Variants in EYS observed in about 807,000 individuals in gnomAD.
The protein encoded by EYS is protein eyes shut homolog.
Under a neutral mutation model 282.1 loss-of-function variants are expected in EYS, and 250 were observed. That is an observed-to-expected ratio of 0.89 (90% confidence interval 0.80 to 0.98). The LOEUF is 0.98. EYS is among the 50% of genes least tolerant of loss of function. The pLI is 0.00. For missense variants in EYS, 4,016 were observed against 3,709.0 expected, an observed-to-expected ratio of 1.08 and a Z score of -2.15; for synonymous variants, 1,355 against 1,282.9, an observed-to-expected ratio of 1.06 and a Z score of -1.20.
intron 4 of EYS, among the ~76,000 whole-genome samples, chr6:65,491,746 C>T (rs1423560503): frequency 4.6e-5 from 7 of 152,130 alleles, no homozygotes; most frequent in African/African-American, 1.7e-4. Flanking sequence ...TGTGCCCACC[C>T]ACCGCCGCCA....
At chr6:64,967,060 G>A (rs1770118307) in intron 14 of EYS, among the ~76,000 whole-genome samples, 1 of 151,912 alleles carries the variant, frequency 6.6e-6, no homozygotes, top group East Asian at 1.9e-4. Context: ...TTTTTTCTTT[G>A]AAGTTTCTTT....
chr6:65,327,141 A>G (rs1350427002), intron 11 of EYS, among the ~76,000 whole-genome samples: 3 of 151,680 alleles, frequency 2.0e-5, no homozygotes, highest in Non-Finnish European at 3.0e-5. Flanking sequence ...AATAAAAACT[A>G]CTTTTTATCT....
intron 36 of EYS, among the ~76,000 whole-genome samples, chr6:63,848,855 G>A (rs1192581893): frequency 2.0e-5 from 3 of 152,116 alleles, no homozygotes; most frequent in Admixed American, 2.0e-4. Flanking sequence ...CTCTGGAAAG[G>A]GGGCTGAAGC....
intron 35 of EYS, among the ~76,000 whole-genome samples, chr6:63,932,692 C>T (rs964004850): frequency 3.9e-5 from 6 of 152,242 alleles, no homozygotes; most frequent in Non-Finnish European, 8.8e-5. Context: ...CCATCCCTCA[C>T]ACTCCACCCA....
At chr6:64,711,776 C>T (rs184111184) in intron 22 of EYS, among the ~76,000 whole-genome samples, 3 of 152,218 alleles carry the variant, frequency 2.0e-5, no homozygotes, top group Admixed American at 6.5e-5. Context: ...GACTTGCGCC[C>T]CTCCGAAGTC....
chr6:64,599,705 A>G lies in EYS; in HGVS notation c.3685-6396T>C, dbSNP rs114922366. Among the ~76,000 whole-genome samples the G allele has an allele frequency of 2.7e-3, 405 of 152,248 alleles. 5 individuals carry two copies. Among genetic ancestry groups the G allele is most frequent in the African/African-American group, 9.1e-3 (377 of 41,562 alleles). On this transcript the variant is annotated intron_variant, in intron 24 of 42. Transcript: ENST00000503581. Reference sequence around the variant, plus strand: ...CAGTGTTATCCCATAGTCCTGTCTAATTTTCTGGTAATAGAGCTAGAAAAT... The same window carrying G: ...CAGTGTTATCCCATAGTCCTGTCTAGTTTTCTGGTAATAGAGCTAGAAAAT...
At chr6:64,595,044 C>A (rs956886930) in intron 24 of EYS, among the ~76,000 whole-genome samples, 2 of 151,816 alleles carry the variant, frequency 1.3e-5, no homozygotes, top group East Asian at 3.9e-4. Context: ...AAAGTTCTCC[C>A]CAAAACACTA....
chr6:65,583,205 A>G (rs1582483057), intron 2 of EYS, among the ~76,000 whole-genome samples: 1 of 152,034 alleles, frequency 6.6e-6, no homozygotes, highest in East Asian at 1.9e-4. Context: ...AATCTAGGTT[A>G]TAATACTCCA....
chr6:64,846,636 C>T (rs1765724480), intron 19 of EYS, among the ~76,000 whole-genome samples: 1 of 151,994 alleles, frequency 6.6e-6, no homozygotes, highest in African/African-American at 2.4e-5. Flanking sequence ...TTTCAGCTAT[C>T]TGTTATATAT....
chr6:63,880,922 G>T (rs1293171859), intron 35 of EYS, among the ~76,000 whole-genome samples: 1 of 152,096 alleles, frequency 6.6e-6, no homozygotes, highest in African/African-American at 2.4e-5. Context: ...TCATCAAAAG[G>T]TGTTTTGGCT....
intron 14 of EYS, among the ~76,000 whole-genome samples, chr6:64,975,995 A>G (rs965974439): frequency 2.0e-5 from 3 of 151,942 alleles, no homozygotes; most frequent in South Asian, 2.1e-4. Context: ...GTAAGTTCAA[A>G]TAACATTTTA....
intron 2 of EYS, among the ~76,000 whole-genome samples, chr6:65,626,500 T>C (rs1361139130): frequency 1.3e-5 from 2 of 152,176 alleles, no homozygotes; most frequent in Non-Finnish European, 2.9e-5. Flanking sequence ...TGAGAGTCTA[T>C]ACAGGGATAG....
rs545089483 is a variant in EYS, at chr6:65,083,808, T to C, written c.2024-26081A>G. 5.5e-4 allele frequency among the ~76,000 whole-genome samples: 83 copies of C among 151,876 alleles called. No individual in the cohort carries two copies. In the South Asian group the frequency reaches 0.017, roughly 31 times the overall value. On this transcript the variant is annotated intron_variant, in intron 12 of 42. Coordinates refer to ENST00000503581, the MANE Select transcript of EYS (RefSeq NM_001142800.2). ...AAATCACTTTCATAATATACTTTTT[T>C]ATATTTGTATAATATATGATACTAT...
At chr6:65,593,778 G>T (rs1765311932) in intron 2 of EYS, among the ~76,000 whole-genome samples, 1 of 151,660 alleles carries the variant, frequency 6.6e-6, no homozygotes, top group African/African-American at 2.4e-5. Context: ...TTCTCTTTAG[G>T]AAGTGTTTCT....
At chr6:63,887,467 C>T (rs373539193) in intron 35 of EYS, among the ~76,000 whole-genome samples, 2 of 151,762 alleles carry the variant, frequency 1.3e-5, no homozygotes, top group Non-Finnish European at 2.9e-5. Context: ...CAGTTCATCT[C>T]GTTGGGACTG....
intron 2 of EYS, among the ~76,000 whole-genome samples, chr6:65,554,222 T>A (rs531283972): frequency 6.6e-6 from 1 of 152,184 alleles, no homozygotes; most frequent in East Asian, 1.9e-4. Context: ...GTACTTGTTA[T>A]AGTAGCCCAC....
intron 11 of EYS, among the ~76,000 whole-genome samples, chr6:65,324,990 A>C (rs1769580177): frequency 6.6e-6 from 1 of 152,216 alleles, no homozygotes. Flanking sequence ...CTGCATTAGC[A>C]GGTGGTGGAA....
chr6:65,077,536 G>T (rs186527716), intron 12 of EYS, among the ~76,000 whole-genome samples: 2 of 152,076 alleles, frequency 1.3e-5, no homozygotes, highest in East Asian at 3.9e-4. Flanking sequence ...TATATAAAAC[G>T]AACATTTTCT....
Position 64,591,623 on chromosome 6 carries a change from T to C in EYS, c.4244A>G (p.Gln1415Arg), listed in dbSNP as rs753351259. The C allele has an allele frequency of 6.4e-7, 1 of 1,551,252 alleles. No homozygotes were observed. The highest frequency in any genetic ancestry group is 1.2e-5 in the South Asian group (1 of 84,058). ...PTQSLLFENCQTVALSATPTT... is the reference protein window; with the variant it reads ...PTQSLLFENCRTVALSATPTT... Reference sequence around the variant, plus strand: ...TGGGGTAGCAGATAAAGCAACAGTCTGACAGTTCTCAAATAATAAAGATTG... The same window carrying C: ...TGGGGTAGCAGATAAAGCAACAGTCCGACAGTTCTCAAATAATAAAGATTG... Residue 1415 changes from glutamine to arginine, a missense_variant, in exon 26 of 43, where the codon CAG becomes CGG. Gln to Arg is a conservative substitution (Grantham distance 43). Transcript: ENST00000503581.
Sources: gnomAD v4.1 joint callset for allele counts (sites outside exome capture counted in the v4.1 genomes callset) on GRCh38, gnomAD v4.1.1 for gene constraint, MANE v1.5 for transcripts, NCBI Gene and HGNC (gene_info 2026-07-23, HGNC 2026-07-21) for gene names.